Variants in GRIK3 observed in about 807,000 individuals in gnomAD.
The protein encoded by GRIK3 is glutamate ionotropic receptor kainate type subunit 3.
A neutral mutation model predicts 102.5 loss-of-function variants in GRIK3; 29 were observed. That is an observed-to-expected ratio of 0.28 (90% CI 0.21 to 0.39). The LOEUF (loss-of-function observed/expected upper bound fraction) is 0.39, where lower values mean the gene tolerates loss of function less well. Ranked by LOEUF, GRIK3 falls within the 10% of genes least tolerant of loss-of-function variation. The pLI is 1.00. For missense variants in GRIK3, 908 were observed against 1,252.4 expected (o/e 0.73, Z 4.15); for synonymous variants, 511 against 504.9 (o/e 1.01, Z -0.16).
In GRIK3 at chr1:36,859,918, C is replaced by A; in HGVS notation, c.886G>T (p.Val296Leu). Reference protein sequence around the residue: ...NVDNPHVSAIVEKWSMERLQA... With the variant: ...NVDNPHVSAILEKWSMERLQA... ...AGCCGCTCCATGGACCACTTCTCCA[C>A]AATGGCCGAGACGTGTGGGTTGTCC... Residue 296 changes from valine to leucine, a missense_variant, in exon 6 of 16, where the codon GTG (valine) becomes TTG (leucine). By Grantham distance (32) the Val-to-Leu change is conservative. Transcript: ENST00000373091. 2 of 1,614,100 alleles carry A rather than the reference C, an allele frequency of 1.2e-6. No homozygotes were observed. Among genetic ancestry groups the A allele is most frequent in the South Asian group, 2.2e-5 (2 of 91,082 alleles).
chr1:37,027,182 C>T (rs1384297808), intron 1 of GRIK3, among the ~76,000 whole-genome samples: 1 of 151,940 alleles, frequency 6.6e-6, no homozygotes, highest in Non-Finnish European at 1.5e-5. Flanking sequence ...TAGGGAGAGG[C>T]AGTGTGGACC....
chr1:36,830,810 C>CAAA (rs948901521), intron 10 of GRIK3, among the ~76,000 whole-genome samples: 2 of 41,340 alleles, frequency 4.8e-5, no homozygotes, highest in Non-Finnish European at 1.0e-4. Context: ...GACTCTGTCT[C>CAAA]AAAAAAAAAA....
At chr1:37,002,670 C>CTTTTTTTTT (rs57712253) in intron 1 of GRIK3, among the ~76,000 whole-genome samples, 3 of 135,248 alleles carry the variant, frequency 2.2e-5, no homozygotes, top group African/African-American at 5.5e-5. Flanking sequence ...TTCTTTCTTT[C>CTTTTTTTTT]TTTTTTTTTT....
At chr1:36,972,627 C>T (rs1024297972) in intron 1 of GRIK3, among the ~76,000 whole-genome samples, 3 of 152,026 alleles carry the variant, frequency 2.0e-5, no homozygotes, top group African/African-American at 4.8e-5. Context: ...GAGTGTAGGG[C>T]GCTAGGAAAG....
At chr1:36,832,432 C>T (rs1043444189) in intron 10 of GRIK3, among the ~76,000 whole-genome samples, 3 of 152,190 alleles carry the variant, frequency 2.0e-5, no homozygotes, top group Non-Finnish European at 4.4e-5. Flanking sequence ...CCACAGCCTC[C>T]AAGCTTAAGA....
intron 10 of GRIK3, among the ~76,000 whole-genome samples, chr1:36,834,319 G>A (rs1404899092): frequency 6.6e-6 from 1 of 152,150 alleles, no homozygotes; most frequent in East Asian, 1.9e-4. Context: ...CAGTTGGTGG[G>A]GGCAGGGAAA....
At chr1:36,976,122 CA>C (rs1642193811) in intron 1 of GRIK3, among the ~76,000 whole-genome samples, 1 of 152,100 alleles carries the variant, frequency 6.6e-6, no homozygotes, top group Non-Finnish European at 1.5e-5. Flanking sequence ...AGGGGATGGA[CA>C]CATGGGAGGG....
chr1:36,876,243 G>C (rs970605129), intron 3 of GRIK3, among the ~76,000 whole-genome samples: 15 of 152,174 alleles, frequency 9.9e-5, no homozygotes, highest in African/African-American at 3.6e-4. Flanking sequence ...CTGGGTTCCA[G>C]CTACTTGGGA....
chr1:36,994,661 A>C (rs1434326313), intron 1 of GRIK3, among the ~76,000 whole-genome samples: 1 of 152,228 alleles, frequency 6.6e-6, no homozygotes, highest in Non-Finnish European at 1.5e-5. Flanking sequence ...TCTCCCATGC[A>C]GAGCAATGTG....
intron 3 of GRIK3, among the ~76,000 whole-genome samples, chr1:36,877,235 G>C (rs1640920749): frequency 6.6e-6 from 1 of 152,096 alleles, no homozygotes; most frequent in Non-Finnish European, 1.5e-5. Context: ...CCTCCACCTA[G>C]ACTATGTCAG....
At chr1:36,856,162 T>G (rs1195361559) in intron 7 of GRIK3, among the ~76,000 whole-genome samples, 2 of 152,206 alleles carry the variant, frequency 1.3e-5, no homozygotes, top group African/African-American at 4.8e-5. Flanking sequence ...GGCTCCCCAG[T>G]CCCTCCGCCT....
intron 10 of GRIK3, among the ~76,000 whole-genome samples, chr1:36,834,286 G>A (rs185778865): frequency 1.2e-4 from 18 of 152,208 alleles, no homozygotes; most frequent in East Asian, 9.7e-4. Flanking sequence ...CCCAGCAAGC[G>A]CTGTCTCAGG....
At chr1:36,818,969 C>T (rs480974) in intron 12 of GRIK3, among the ~76,000 whole-genome samples, 29,053 of 152,046 alleles carry the variant, frequency 0.19, 3,393 homozygotes, top group African/African-American at 0.33. Flanking sequence ...GACCAGGGGG[C>T]GGTGTCCTTT....
At chr1:36,832,352 G>C (rs1228506355) in intron 10 of GRIK3, among the ~76,000 whole-genome samples, 1 of 152,108 alleles carries the variant, frequency 6.6e-6, no homozygotes, top group African/African-American at 2.4e-5. Context: ...GTGTCCTCTG[G>C]GTCAGCTGAC....
intron 2 of GRIK3, among the ~76,000 whole-genome samples, chr1:36,883,637 G>A (rs900391909): frequency 1.3e-5 from 2 of 152,214 alleles, no homozygotes; most frequent in Admixed American, 6.5e-5. Context: ...CAGGGCACAG[G>A]CTCCTGGTGG....
chr1:36,808,634 G>T (rs921066312), intron 13 of GRIK3, among the ~76,000 whole-genome samples: 8 of 152,210 alleles, frequency 5.3e-5, no homozygotes, highest in Admixed American at 3.9e-4. Context: ...TGGAGAACAT[G>T]CCTTGAAATG....
chr1:36,908,799 G>T (rs923036797), intron 1 of GRIK3, among the ~76,000 whole-genome samples: 1 of 151,908 alleles, frequency 6.6e-6, no homozygotes, highest in African/African-American at 2.4e-5. Flanking sequence ...GTGTGTGTGT[G>T]TGTGTGTGTA....
In GRIK3 at chr1:36,958,218, G is replaced by A. The variant is rs111747097; in HGVS notation, c.116-67122C>T. 7.6e-3 allele frequency among the ~76,000 whole-genome samples: 556 copies of A among 73,308 alleles called. 12 individuals are homozygous for A. Among genetic ancestry groups the A allele is most frequent in the African/African-American group, 0.032 (496 of 15,636 alleles). 48.1% of individuals were successfully genotyped at this position (73,308 alleles called of 152,430 possible). A position where few individuals can be genotyped will look rare whatever the true frequency, so the allele number is the denominator to read the frequency against. On this transcript the variant is annotated intron_variant, in intron 1 of 15. Transcript: ENST00000373091. ...TGTGTGCCCTGTGAGTCTGTGCCCC[G>A]TGAGCCTGTGTGCCCCGTGAGCCTG...
At chr1:36,818,520 G>C (rs1642655440) in intron 12 of GRIK3, among the ~76,000 whole-genome samples, 1 of 152,226 alleles carries the variant, frequency 6.6e-6, no homozygotes, top group Admixed American at 6.5e-5. Flanking sequence ...CAGCTTATTT[G>C]AGTCACTTGA....
Sources: allele counts gnomAD v4.1 joint callset (sites outside exome capture counted in the v4.1 genomes callset), GRCh38; gene constraint gnomAD v4.1.1; transcripts MANE v1.5; gene names NCBI Gene and HGNC (gene_info 2026-07-23, HGNC 2026-07-21).